RNGTT: variants seen among roughly 807,000 people sequenced by gnomAD.
RNGTT encodes the protein mRNA-capping enzyme.
Under a neutral mutation model 79.3 loss-of-function variants are expected in RNGTT, and 33 were observed. The observed-to-expected ratio is 0.42, with a 90% confidence interval of 0.32 to 0.56. The LOEUF is 0.56. RNGTT is among the 20% of genes least tolerant of loss of function. RNGTT has a pLI of 0.17. For missense variants in RNGTT, 497 were observed against 739.1 expected, an observed-to-expected ratio of 0.67 and a Z score of 3.80; for synonymous variants, 222 against 235.9, an observed-to-expected ratio of 0.94 and a Z score of 0.54.
At chr6:88,757,758 A>T (rs1778068584) in intron 13 of RNGTT, among the ~76,000 whole-genome samples, 1 of 152,224 alleles carries the variant, frequency 6.6e-6, no homozygotes, top group Non-Finnish European at 1.5e-5. Context: ...TTGGTTGAAA[A>T]GACAAAGACA....
At chr6:88,737,693 A>T (rs1777333118) in intron 13 of RNGTT, among the ~76,000 whole-genome samples, 1 of 152,198 alleles carries the variant, frequency 6.6e-6, no homozygotes, top group Non-Finnish European at 1.5e-5. Flanking sequence ...CACAGTAAGA[A>T]GAGAGCATCC....
chr6:88,715,907 C>T (rs1318718704), intron 13 of RNGTT, among the ~76,000 whole-genome samples: 1 of 152,054 alleles, frequency 6.6e-6, no homozygotes, highest in Non-Finnish European at 1.5e-5. Context: ...TAGGCATGGG[C>T]AAGGACTTCA....
chr6:88,636,474 C>T (rs1773103845), intron 14 of RNGTT, among the ~76,000 whole-genome samples: 1 of 152,006 alleles, frequency 6.6e-6, no homozygotes, highest in Non-Finnish European at 1.5e-5. Flanking sequence ...AACTTACTTC[C>T]TCTTACTCCA....
Position 88,929,264 on chromosome 6 carries a change from T to G in RNGTT, c.178A>C (p.Lys60Gln), listed in dbSNP as rs1191744273. ...GTCAGGTCCACCAACAAGCCCATTT[T>G]AACCTAAAAAAAAAAAAAAATGAAA... Reference protein sequence around the residue: ...LSNYLKSLKVKMGLLVDLTNT... With the variant: ...LSNYLKSLKVQMGLLVDLTNT... The change falls in exon 3 of 16, where the codon AAA becomes CAA. Residue 60 changes from lysine to glutamine, a missense_variant. Around this residue, in one of 3 missense-constraint regions of RNGTT, gnomAD observed 440 missense variants for 671.5 expected, o/e 0.66. Transcript: ENST00000369485. 6.3e-7 allele frequency: 1 copy of G among 1,576,276 alleles called. No homozygotes were observed. Among genetic ancestry groups the G allele is most frequent in the East Asian group, 2.2e-5 (1 of 44,598 alleles).
At chr6:88,626,739 G>A (rs568425018) in intron 14 of RNGTT, among the ~76,000 whole-genome samples, 2 of 152,036 alleles carry the variant, frequency 1.3e-5, no homozygotes, top group Admixed American at 1.3e-4. Context: ...TTTCACAGCT[G>A]CAAAGCTTTT....
In RNGTT at chr6:88,907,979, C is replaced by A. The variant is rs1280712981; in HGVS notation, c.368-1539G>T. 2.0e-5 allele frequency among the ~76,000 whole-genome samples: 3 copies of A among 152,124 alleles called. No individual in the cohort carries two copies. The East Asian group carries it at 5.8e-4, about 29-fold the overall frequency. Reference sequence around the variant, plus strand: ...CAAACTCATGGGATCAAGCAATCCTCTCACTTCAGCCTCCCCAAGTCTGGG... The same window carrying A: ...CAAACTCATGGGATCAAGCAATCCTATCACTTCAGCCTCCCCAAGTCTGGG... On this transcript the variant is annotated intron_variant, in intron 4 of 15. Coordinates refer to ENST00000369485, the MANE Select transcript of RNGTT (RefSeq NM_003800.5).
intron 8 of RNGTT, among the ~76,000 whole-genome samples, chr6:88,880,554 A>G (rs1404824718): frequency 6.6e-6 from 1 of 152,126 alleles, no homozygotes; most frequent in African/African-American, 2.4e-5. Context: ...AAAAATTGCA[A>G]CCATAGCACC....
intron 11 of RNGTT, among the ~76,000 whole-genome samples, chr6:88,827,299 T>G (rs1356229723): frequency 6.6e-6 from 1 of 152,010 alleles, no homozygotes; most frequent in Non-Finnish European, 1.5e-5. Flanking sequence ...TTGGGCACTC[T>G]CTCCCCTAGC....
intron 6 of RNGTT, among the ~76,000 whole-genome samples, chr6:88,904,207 TAAG>T (rs1783568173): frequency 6.6e-6 from 1 of 151,964 alleles, no homozygotes; most frequent in South Asian, 2.1e-4. Context: ...TCTAAAGACA[TAAG>T]AAACAAAAAC....
intron 14 of RNGTT, among the ~76,000 whole-genome samples, chr6:88,653,336 T>C (rs1025534940): frequency 3.9e-5 from 6 of 152,220 alleles, no homozygotes; most frequent in African/African-American, 1.4e-4. Context: ...TATAGTGGTA[T>C]AATGTTTTAA....
chr6:88,643,999 G>A (rs1397253982), intron 14 of RNGTT, among the ~76,000 whole-genome samples: 1 of 152,066 alleles, frequency 6.6e-6, no homozygotes, highest in Non-Finnish European at 1.5e-5. Context: ...AAATAAGTAA[G>A]ATCAGAGCAG....
At chr6:88,650,443 A>C (rs894736648) in intron 14 of RNGTT, among the ~76,000 whole-genome samples, 12 of 152,196 alleles carry the variant, frequency 7.9e-5, no homozygotes, top group African/African-American at 2.7e-4. Flanking sequence ...TTGCAGCTGA[A>C]ATCAGCCCTG....
At chr6:88,895,413 A>G (rs770025136) in intron 6 of RNGTT, among the ~76,000 whole-genome samples, 1 of 152,182 alleles carries the variant, frequency 6.6e-6, no homozygotes, top group Non-Finnish European at 1.5e-5. Flanking sequence ...TACTCTTCCA[A>G]CTTAGTAACA....
chr6:88,902,231 T>C lies in RNGTT; in HGVS notation c.684+2484A>G, dbSNP rs537951346. On this transcript the variant is annotated intron_variant, in intron 6 of 15. Coordinates refer to ENST00000369485, the MANE Select transcript of RNGTT (RefSeq NM_003800.5). The stretch of plus-strand genomic sequence containing the variant: ...AAAAATAAAAGGTCTCATCATGGGG[T>C]TTAAGATACACATAGAATTAAAAAA... 2.0e-5 allele frequency among the ~76,000 whole-genome samples: 3 copies of C among 149,622 alleles called. No homozygotes were observed. The South Asian group carries it at 6.5e-4, about 32-fold the overall frequency.
chr6:88,949,159 G>GAAAAAAAAAAA lies in RNGTT; in HGVS notation c.65-7990_65-7980dup. 2.1e-3 allele frequency among the ~76,000 whole-genome samples: 104 copies of GAAAAAAAAAAA among 50,498 alleles called. 2 individuals carry two copies. Among genetic ancestry groups the GAAAAAAAAAAA allele is most frequent in the Non-Finnish European group, 2.9e-3 (73 of 25,370 alleles). The allele number at this position is 50,498 out of a possible 152,430, so 33.1% of individuals were successfully genotyped here. A position where few individuals can be genotyped will look rare whatever the true frequency, so the allele number is the denominator to read the frequency against. ...AATAAAAAATAAAATAAAATAAAATGAAAAAAAAAAAAAAAAAAAGAAAAT... is the reference window on the plus strand; with the variant it reads ...AATAAAAAATAAAATAAAATAAAATGAAAAAAAAAAAAAAAAAAAAAAAAAAAAAAGAAAAT... On this transcript the variant is annotated intron_variant, in intron 1 of 15. Transcript: ENST00000369485.
chr6:88,933,608 G>C (rs1056391375), intron 2 of RNGTT, among the ~76,000 whole-genome samples: 2 of 151,996 alleles, frequency 1.3e-5, no homozygotes, highest in African/African-American at 4.8e-5. Context: ...AGCCTCCTAA[G>C]TTCTAGGACT....
rs766400268 is a variant in RNGTT, at chr6:88,963,456, G to A, written c.-47C>T. On this transcript the variant is annotated 5_prime_UTR_variant, in exon 1 of 16. Coordinates refer to ENST00000369485, the MANE Select transcript of RNGTT (RefSeq NM_003800.5). ...GCCCTCCCTCACCAACGTTCACCGC[G>A]CCTTTGGAGCCGCCTCCCCGTGGTC... 6.7e-7 allele frequency: 1 copy of A among 1,496,144 alleles called. No homozygotes were observed. Among genetic ancestry groups the A allele is most frequent in the Non-Finnish European group, 8.9e-7 (1 of 1,117,518 alleles). 92.7% of individuals were successfully genotyped at this position (1,496,144 alleles called of 1,614,324 possible).
At chr6:88,802,378 T>G (rs1779819690) in intron 11 of RNGTT, among the ~76,000 whole-genome samples, 1 of 152,188 alleles carries the variant, frequency 6.6e-6, no homozygotes, top group Non-Finnish European at 1.5e-5. Context: ...TCAACAGAGT[T>G]ATAGACCCCA....
chr6:88,764,111 A>G (rs1462578555), intron 13 of RNGTT, among the ~76,000 whole-genome samples: 1 of 152,018 alleles, frequency 6.6e-6, no homozygotes, highest in Non-Finnish European at 1.5e-5. Flanking sequence ...GCCTCCTCCA[A>G]TCTTCTAAAT....
Sources: gnomAD v4.1 joint callset for allele counts (sites outside exome capture counted in the v4.1 genomes callset) on GRCh38, gnomAD v4.1.1 for gene constraint, gnomAD v4.1.1 regional missense constraint, MANE v1.5 for transcripts, NCBI Gene and HGNC (gene_info 2026-07-23, HGNC 2026-07-21) for gene names.